UBE2K: variants seen among roughly 807,000 people sequenced by gnomAD.
The protein encoded by UBE2K is ubiquitin-conjugating enzyme E2 K.
In UBE2K, 6 loss-of-function variants were observed where a neutral mutation model predicts 30.0. The observed-to-expected ratio is 0.20, with a 90% CI of 0.11 to 0.39. The LOEUF (loss-of-function observed/expected upper bound fraction) is 0.39, where lower values mean the gene tolerates loss of function less well. Among genes scored for constraint, UBE2K ranks in the 10% least tolerant of loss-of-function variants. The pLI is 1.00. For missense variants in UBE2K, 61 were observed against 241.6 expected (o/e 0.25, Z 4.96); for synonymous variants, 86 against 83.7 (o/e 1.03, Z -0.15).
In UBE2K at chr4:39,781,231, TTTAC is replaced by T. The variant is rs1458256225; in HGVS notation, c.*2801_*2804del. On this transcript the variant is annotated 3_prime_UTR_variant, in exon 7 of 7. Transcript: ENST00000261427. ...GAAATGTTTGGAATCACGACTATGA[TTTAC>T]TTAAACACGTAACACATTCAAGGAT... The T allele has an allele frequency of 1.3e-5, 2 of 152,132 alleles. No homozygotes were observed. Among genetic ancestry groups the T allele is most frequent in the African/African-American group, 2.4e-5 (1 of 41,446 alleles). The allele number at this position is 152,132 out of a possible 1,614,324, so 9.4% of individuals were successfully genotyped here.
At chr4:39,703,910 T>C (rs1718180513) in intron 1 of UBE2K, among the ~76,000 whole-genome samples, 1 of 151,596 alleles carries the variant, frequency 6.6e-6, no homozygotes. Flanking sequence ...ATAATTTATC[T>C]AAAGAATAAA....
intron 1 of UBE2K, among the ~76,000 whole-genome samples, chr4:39,720,716 A>C (rs906907821): frequency 1.1e-4 from 16 of 152,110 alleles, no homozygotes; most frequent in Admixed American, 6.5e-4. Flanking sequence ...AATAATGGAA[A>C]AACATTTTAT....
At chr4:39,725,244 A>G (rs1290182118) in intron 1 of UBE2K, among the ~76,000 whole-genome samples, 1 of 151,948 alleles carries the variant, frequency 6.6e-6, no homozygotes, top group African/African-American at 2.4e-5. Context: ...TTAACCAGGC[A>G]TGGTGTCATG....
intron 1 of UBE2K, among the ~76,000 whole-genome samples, chr4:39,720,481 C>T (rs1164121616): frequency 6.6e-6 from 1 of 152,006 alleles, no homozygotes; most frequent in Non-Finnish European, 1.5e-5. Context: ...TGGACATGAT[C>T]CTTGCTGTTA....
chr4:39,746,566 A>G (rs975326525), intron 3 of UBE2K, among the ~76,000 whole-genome samples: 2 of 152,128 alleles, frequency 1.3e-5, no homozygotes, highest in Non-Finnish European at 2.9e-5. Context: ...CTTTCCCTGA[A>G]TAAAGTCTAA....
chr4:39,716,863 C>T (rs1023592795), intron 1 of UBE2K, among the ~76,000 whole-genome samples: 4 of 151,908 alleles, frequency 2.6e-5, no homozygotes, highest in East Asian at 2.0e-4. Flanking sequence ...TAGGGCACAG[C>T]GGTGTGCACC....
chr4:39,733,332 A>ATT (rs34069872), intron 1 of UBE2K, among the ~76,000 whole-genome samples: 66,795 of 128,840 alleles, frequency 0.52, 17,816 homozygotes, highest in South Asian at 0.64. Context: ...TCGGGCTTTA[A>ATT]TTTTTTTTTT....
intron 2 of UBE2K, among the ~76,000 whole-genome samples, chr4:39,743,512 G>A (rs1198184832): frequency 1.3e-5 from 2 of 151,876 alleles, no homozygotes; most frequent in East Asian, 3.9e-4. Context: ...GCTGAGGCAG[G>A]AGAATGGCGT....
At chr4:39,712,935 G>A (rs1186512672) in intron 1 of UBE2K, among the ~76,000 whole-genome samples, 1 of 150,894 alleles carries the variant, frequency 6.6e-6, no homozygotes, top group Non-Finnish European at 1.5e-5. Context: ...GCGCGATCTT[G>A]GCTCGCTGCA....
chr4:39,760,176 C>CACAA (rs1553879305), intron 4 of UBE2K, among the ~76,000 whole-genome samples: 1 of 77,184 alleles, frequency 1.3e-5, no homozygotes. Context: ...GACTCTGTCA[C>CACAA]AAAAAAAAAA....
At chr4:39,713,678 A>G (rs1251061174) in intron 1 of UBE2K, among the ~76,000 whole-genome samples, 1 of 152,026 alleles carries the variant, frequency 6.6e-6, no homozygotes, top group African/African-American at 2.4e-5. Flanking sequence ...TCATCTTGCA[A>G]AATTGAAACT....
intron 1 of UBE2K, among the ~76,000 whole-genome samples, chr4:39,704,869 C>CTT (rs35972302): frequency 0.12 from 14,247 of 121,200 alleles, 1,986 homozygotes; most frequent in African/African-American, 0.32. Flanking sequence ...GACTATACAC[C>CTT]TTTTTTTTTT....
chr4:39,776,059 G>C (rs1226581854), intron 5 of UBE2K, among the ~76,000 whole-genome samples: 1 of 152,142 alleles, frequency 6.6e-6, no homozygotes, highest in Non-Finnish European at 1.5e-5. Context: ...TCTCTCCTAA[G>C]CACGAGAGCC....
chr4:39,773,624 A>G (rs1025535047), intron 4 of UBE2K, among the ~76,000 whole-genome samples: 5 of 151,986 alleles, frequency 3.3e-5, no homozygotes, highest in African/African-American at 1.2e-4. Flanking sequence ...TGAGTGGATA[A>G]AACTAACAAG....
rs1717793833 is a variant in UBE2K, at chr4:39,698,176, G to A, written c.-152G>A. On this transcript the variant is annotated 5_prime_UTR_variant, in exon 1 of 7. Transcript: ENST00000261427. ...GGGCGCGGAGGTGATTCCACACTGA[G>A]GCGAGCGCGGCGGCCGGGGTGGTAG... is the stretch of plus-strand genomic sequence containing the variant. 2.6e-6 allele frequency: 2 copies of A among 770,270 alleles called. No homozygotes were observed. Among genetic ancestry groups the A allele is most frequent in the Non-Finnish European group, 4.5e-6 (2 of 445,220 alleles). 47.7% of individuals were successfully genotyped at this position (770,270 alleles called of 1,614,324 possible). A position where few individuals can be genotyped will look rare whatever the true frequency, so the allele number is the denominator to read the frequency against.
rs565549632 is a variant in UBE2K at position 39,753,976 on chromosome 4, C to T, written c.217-1681C>T. The stretch of plus-strand genomic sequence containing the variant: ...TCTTGCCATGTTGGCGCTCCAAGAT[C>T]GCGCCACTGCACTCCAGACTCCAGC... On this transcript the variant is annotated intron_variant, in intron 3 of 6. Coordinates refer to ENST00000261427, the MANE Select transcript of UBE2K (RefSeq NM_005339.5). Among the ~76,000 whole-genome samples, 18 of 152,222 alleles carry T rather than the reference C, an allele frequency of 1.2e-4. 1 individual carries two copies. Among genetic ancestry groups the T allele is most frequent in the African/African-American group, 3.9e-4 (16 of 41,550 alleles).
chr4:39,700,198 A>G lies in UBE2K; in HGVS notation c.63+1808A>G, dbSNP rs535611614. ...TTATGAGCTGACTTTTCACCGTGGT[A>G]TTCTTAGTACTAAGTTGAAGATTAC... On this transcript the variant is annotated intron_variant, in intron 1 of 6. Coordinates refer to ENST00000261427, the MANE Select transcript of UBE2K (RefSeq NM_005339.5). Among the ~76,000 whole-genome samples, 7 of 152,274 alleles carry G rather than the reference A, an allele frequency of 4.6e-5. 1 individual carries two copies. Among genetic ancestry groups the G allele is most frequent in the African/African-American group, 1.4e-4 (6 of 41,562 alleles).
At chr4:39,763,840 A>G (rs1000312469) in intron 4 of UBE2K, among the ~76,000 whole-genome samples, 19 of 152,058 alleles carry the variant, frequency 1.2e-4, no homozygotes, top group Non-Finnish European at 1.8e-4. Flanking sequence ...TCCAGGCTCA[A>G]TTGGTCTTCC....
chr4:39,773,422 C>G (rs374173699), intron 4 of UBE2K, among the ~76,000 whole-genome samples: 2 of 151,790 alleles, frequency 1.3e-5, no homozygotes, highest in East Asian at 3.9e-4. Flanking sequence ...GAGCCGAGAT[C>G]GCGCCACTGC....
Sources: gnomAD v4.1 joint callset for allele counts (sites outside exome capture counted in the v4.1 genomes callset) on GRCh38, gnomAD v4.1.1 for gene constraint, MANE v1.5 for transcripts, NCBI Gene and HGNC (gene_info 2026-07-23, HGNC 2026-07-21) for gene names.